The following MAP6 variants were observed in gnomAD, a reference collection of about 807,000 sequenced individuals.
MAP6 encodes microtubule associated protein 6.
MAP6 carries 26 observed loss-of-function variants against 42.4 expected under a neutral mutation model. The ratio of observed to expected loss-of-function variants is 0.61; its 90% CI spans 0.45 to 0.85. MAP6 has a LOEUF of 0.85. MAP6 is among the 40% of genes least tolerant of loss of function. The pLI is 0.00. For synonymous variants in MAP6, 418 were observed against 443.8 expected, an observed-to-expected ratio of 0.94 and a Z score of 0.73; for missense variants, 966 against 1,099.0, an observed-to-expected ratio of 0.88 and a Z score of 1.71.
Position 75,586,967 on chromosome 11 carries a change from G to T in MAP6, c.*92C>A. The T allele has an allele frequency of 7.6e-7, 1 of 1,309,612 alleles. No homozygotes were observed. The highest frequency in any genetic ancestry group is 1.1e-6 in the Non-Finnish European group (1 of 948,732). The allele number at this position is 1,309,612 out of a possible 1,614,324, so 81.1% of individuals were successfully genotyped here. On this transcript the variant is annotated 3_prime_UTR_variant, in exon 4 of 4. Coordinates refer to ENST00000304771, the MANE Select transcript of MAP6 (RefSeq NM_033063.2). ...AGATTCCAGCAAGACTACTGTACAT[G>T]TTTCATGCAGATTAAATATGTGTCT...
At chr11:75,595,946 A>G (rs1164993654) in intron 3 of MAP6, among the ~76,000 whole-genome samples, 1 of 152,128 alleles carries the variant, frequency 6.6e-6, no homozygotes, top group African/African-American at 2.4e-5. Context: ...CATAGGGATC[A>G]CTAGCATAGG....
chr11:75,602,898 C>CTGTT (rs570282090), intron 3 of MAP6: 21 of 985,470 alleles, frequency 2.1e-5, no homozygotes, highest in South Asian at 9.4e-5. Flanking sequence ...ATTGGAAAAA[C>CTGTT]TGTTTGTTTG....
rs1943958854 is a variant in MAP6 at position 75,667,009 on chromosome 11, A to C, written c.905+456T>G. Among the ~76,000 whole-genome samples, 1 of 152,162 alleles carries C rather than the reference A, an allele frequency of 6.6e-6. No individual in the cohort carries two copies. Among genetic ancestry groups the C allele is most frequent in the Non-Finnish European group, 1.5e-5 (1 of 68,026 alleles). On this transcript the variant is annotated intron_variant, in intron 1 of 3. Coordinates refer to ENST00000304771, the MANE Select transcript of MAP6 (RefSeq NM_033063.2). This position sits in a 1 kb window ranked among gnomAD's most constrained non-coding sequence, Gnocchi z 5.6. ...GACTGAGAAAGGGAGGAAAGAATGA[A>C]GGGCCAAGGGAACTGGGCTAGGGAG...
intron 3 of MAP6, among the ~76,000 whole-genome samples, chr11:75,591,774 A>G (rs1192959174): frequency 2.0e-5 from 3 of 152,216 alleles, no homozygotes; most frequent in Non-Finnish European, 4.4e-5. Context: ...TGTGCTGCTT[A>G]TTGCCTGAAA....
At chr11:75,649,563 G>C (rs1461659586) in intron 1 of MAP6, among the ~76,000 whole-genome samples, 3 of 152,176 alleles carry the variant, frequency 2.0e-5, no homozygotes, top group East Asian at 3.9e-4. Flanking sequence ...TTTTGAGATG[G>C]AGTCTTGCTC....
chr11:75,668,447 G>A lies in MAP6; in HGVS notation c.-78C>T. The A allele has an allele frequency of 6.9e-7, 1 of 1,456,614 alleles. No homozygotes were observed. Among genetic ancestry groups the A allele is most frequent in the Non-Finnish European group, 9.0e-7 (1 of 1,104,974 alleles). 90.2% of individuals were successfully genotyped at this position (1,456,614 alleles called of 1,614,324 possible). ...TCTCTATAATCTTCCTTCAGCCTCC[G>A]ATCCTGACCGGCCAATGTGGTTCCC... On this transcript the variant is annotated 5_prime_UTR_variant, in exon 1 of 4. Coordinates refer to ENST00000304771, the MANE Select transcript of MAP6 (RefSeq NM_033063.2).
chr11:75,608,381 CT>C, intron 1 of MAP6, 59 bp from the exon 2 acceptor site: 1 of 1,386,352 alleles, frequency 7.2e-7, no homozygotes. Context: ...AGCAGAGCTC[CT>C]GACACAGGGC....
At position 75,608,228 on chromosome 11, in the gene MAP6, T is replaced by C. The variant is rs776941536; in HGVS notation, c.1000A>G (p.Thr334Ala). Residue 334 changes from threonine to alanine, a missense_variant, in exon 2 of 4, where the codon ACC (threonine) becomes GCC (alanine). Transcript: ENST00000304771. Reference protein sequence around the residue: ...KPPDDKMVHETSYSAQFKGEA... With the variant: ...KPPDDKMVHEASYSAQFKGEA... ...CCTTTGAACTGAGCACTGTAGCTGG[T>C]CTCATGAACCATCTTATCATCTGGG... is the stretch of plus-strand genomic sequence containing the variant. The C allele has an allele frequency of 6.2e-7, 1 of 1,614,230 alleles. No individual in the cohort carries two copies. The highest frequency in any genetic ancestry group is 1.7e-5 in the Admixed American group (1 of 60,034).
chr11:75,613,723 C>G (rs1383347868), intron 1 of MAP6, among the ~76,000 whole-genome samples: 1 of 152,188 alleles, frequency 6.6e-6, no homozygotes, highest in Admixed American at 6.5e-5. Context: ...GGTGGGTGAA[C>G]TGCAGATGAA....
At chr11:75,622,483 G>T (rs1388620473) in intron 1 of MAP6, among the ~76,000 whole-genome samples, 1 of 152,290 alleles carries the variant, frequency 6.6e-6, no homozygotes, top group South Asian at 2.1e-4. Flanking sequence ...AGAGATTGAA[G>T]AAATATTATA....
intron 1 of MAP6, among the ~76,000 whole-genome samples, chr11:75,615,577 A>T (rs1004982402): frequency 2.0e-5 from 3 of 152,248 alleles, no homozygotes; most frequent in African/African-American, 7.2e-5. Flanking sequence ...GGAGAGATCA[A>T]CAATTACACA....
In MAP6 at chr11:75,587,167, A is replaced by C. The variant is rs776091607; in HGVS notation, c.2334T>G (p.Pro778=). The part of the protein sequence containing the change: ...AKDQGPAVPE[P]LKTQGPRDPQ... ...GGTCCCTGGGACCTTGAGTCTTCAG[A>C]GGTTCAGGGACTGCAGGACCTTGGT... Residue 778 remains proline, a synonymous_variant, in exon 4 of 4, where the codon CCT becomes CCG. Transcript: ENST00000304771. 1.9e-6 allele frequency: 3 copies of C among 1,614,018 alleles called. No homozygotes were observed. The highest frequency in any genetic ancestry group is 4.5e-5 in the East Asian group (2 of 44,884).
At chr11:75,602,002 C>T (rs995320569) in intron 3 of MAP6, among the ~76,000 whole-genome samples, 5 of 151,950 alleles carry the variant, frequency 3.3e-5, no homozygotes, top group African/African-American at 1.2e-4. Context: ...CTCAGTCATC[C>T]TGGTTTCCCT....
At position 75,640,757 on chromosome 11, in the gene MAP6, A is replaced by G. The variant is rs1027379082; in HGVS notation, c.905+26708T>C. On this transcript the variant is annotated intron_variant, in intron 1 of 3. Transcript: ENST00000304771. Reference sequence around the variant, plus strand: ...AATGCTCATCATCACTGGCCATCAGAGAAATGCAAATCAAAACCGCAATGA... The same window carrying G: ...AATGCTCATCATCACTGGCCATCAGGGAAATGCAAATCAAAACCGCAATGA... 6.5e-4 allele frequency among the ~76,000 whole-genome samples: 99 copies of G among 152,252 alleles called. 1 individual carries two copies. The highest frequency in any genetic ancestry group is 1.2e-3 in the Non-Finnish European group (81 of 68,052).
chr11:75,639,968 G>A lies in MAP6; in HGVS notation c.905+27497C>T, dbSNP rs1342069514. 2.6e-5 allele frequency among the ~76,000 whole-genome samples: 4 copies of A among 152,100 alleles called. No individual in the cohort carries two copies. In the East Asian group the frequency reaches 5.8e-4, roughly 22 times the overall value. On this transcript the variant is annotated intron_variant, in intron 1 of 3. Coordinates refer to ENST00000304771, the MANE Select transcript of MAP6 (RefSeq NM_033063.2). ...GCCTCCCACTCCATTGAACACACACGAGTCTGTCACTTTCAGTTCCACTTA... is the reference window on the plus strand; with the variant it reads ...GCCTCCCACTCCATTGAACACACACAAGTCTGTCACTTTCAGTTCCACTTA...
chr11:75,641,327 C>T (rs1206124135), intron 1 of MAP6, among the ~76,000 whole-genome samples: 1 of 98,630 alleles, frequency 1.0e-5, no homozygotes, highest in Non-Finnish European at 1.9e-5. Context: ...CACACCAGGG[C>T]CTGTTGTGGG....
chr11:75,603,320 C>T (rs1468819421), intron 3 of MAP6: 2 of 985,710 alleles, frequency 2.0e-6, no homozygotes, highest in East Asian at 2.3e-4. Context: ...TTCAGGAAGG[C>T]AACACCCAAA....
chr11:75,637,686 G>A (rs557284942), intron 1 of MAP6, among the ~76,000 whole-genome samples: 35 of 152,144 alleles, frequency 2.3e-4, no homozygotes, highest in African/African-American at 8.4e-4. Flanking sequence ...TAAAATGGGA[G>A]GGCAGGACAG....
chr11:75,588,098 G>A lies in MAP6; in HGVS notation c.1403C>T (p.Pro468Leu). The A allele has an allele frequency of 6.2e-7, 1 of 1,614,132 alleles. No homozygotes were observed. Among genetic ancestry groups the A allele is most frequent in the African/African-American group, 1.3e-5 (1 of 75,042 alleles). The change falls in exon 4 of 4, where the codon CCA becomes CTA. Residue 468 changes from proline to leucine, a missense_variant. By Grantham distance (98) the Pro-to-Leu change is moderately conservative. This residue lies in a region of MAP6 where 943 missense variants were observed against 1,049.9 expected (regional missense o/e 0.90). Transcript: ENST00000304771. ...EPDKDQGSVV[P>L]GLLKGQGPMV... ...AGGACCTTGACCTTTCAGAAGGCCT[G>A]GGACCACAGAACCTTGATCCTTGTC...
Sources: gnomAD v4.1 joint callset for allele counts (sites outside exome capture counted in the v4.1 genomes callset) on GRCh38, gnomAD v4.1.1 for gene constraint, gnomAD v4.1.1 regional missense constraint, Gnocchi (gnomAD v3.1) non-coding constraint, MANE v1.5 for transcripts, NCBI Gene and HGNC (gene_info 2026-07-23, HGNC 2026-07-21) for gene names.